RPS6KA2: variants seen among roughly 807,000 people sequenced by gnomAD.
The protein encoded by RPS6KA2 is ribosomal protein S6 kinase A2.
A neutral mutation model predicts 91.8 loss-of-function variants in RPS6KA2; 42 were observed. The ratio of observed to expected loss-of-function variants is 0.46; its 90% CI spans 0.36 to 0.59. The LOEUF is 0.59. Among genes scored for constraint, RPS6KA2 ranks in the 20% least tolerant of loss-of-function variants. The pLI, the probability that RPS6KA2 is intolerant of heterozygous loss-of-function variation, is 0.00. For synonymous variants in RPS6KA2, 414 were observed against 393.6 expected (o/e 1.05, Z -0.61); for missense variants, 798 against 978.5 (o/e 0.82, Z 2.46).
At chr6:166,565,561 GCAGTGACCGCCT>G (rs1432806998) in intron 1 of RPS6KA2, among the ~76,000 whole-genome samples, 1 of 152,020 alleles carries the variant, frequency 6.6e-6, no homozygotes, top group Non-Finnish European at 1.5e-5. Context: ...CCATGTCTGG[GCAGTGACCGCCT>G]CACTTGCAGC....
chr6:166,605,319 C>T (rs372888414), intron 1 of RPS6KA2, among the ~76,000 whole-genome samples: 27 of 152,312 alleles, frequency 1.8e-4, no homozygotes, highest in African/African-American at 5.8e-4. Flanking sequence ...GACAATGACT[C>T]TTATCTCCTT....
Position 166,648,112 on chromosome 6 carries a change from A to G in RPS6KA2, c.124-109328T>C, listed in dbSNP as rs377435481. Among the ~76,000 whole-genome samples the G allele has an allele frequency of 5.0e-4, 76 of 151,002 alleles. No homozygotes were observed. The highest frequency in any genetic ancestry group is 1.7e-3 in the African/African-American group (70 of 41,064). On this transcript the variant is annotated intron_variant, in intron 2 of 21. Coordinates refer to the RPS6KA2 transcript ENST00000503859. The surrounding 1 kb of genome is among the most constrained non-coding windows in gnomAD (Gnocchi z 4.8). ...CACACACGCTCATACACACACGTGCACACACACGCTCATACACATACATGC... is the reference window on the plus strand; with the variant it reads ...CACACACGCTCATACACACACGTGCGCACACACGCTCATACACATACATGC...
intron 16 of RPS6KA2, among the ~76,000 whole-genome samples, chr6:166,428,157 A>G (rs980590346): frequency 6.6e-6 from 1 of 152,058 alleles, no homozygotes; most frequent in Non-Finnish European, 1.5e-5. Flanking sequence ...CCGCTTATCT[A>G]CAACTATCTG....
chr6:166,496,680 T>C (rs947491737), intron 8 of RPS6KA2, among the ~76,000 whole-genome samples: 1 of 152,224 alleles, frequency 6.6e-6, no homozygotes, highest in African/African-American at 2.4e-5. Flanking sequence ...TGGCCCGCAG[T>C]ACTGCTGGAT....
chr6:166,591,515 G>C (rs530631216), intron 1 of RPS6KA2, among the ~76,000 whole-genome samples: 4 of 152,234 alleles, frequency 2.6e-5, no homozygotes, highest in South Asian at 2.1e-4. Context: ...AAGATGACTG[G>C]ATGACCACCT....
intron 11 of RPS6KA2, among the ~76,000 whole-genome samples, chr6:166,465,155 C>T (rs529437983): frequency 6.6e-6 from 1 of 152,302 alleles, no homozygotes; most frequent in South Asian, 2.1e-4. Flanking sequence ...GAAATGTCTT[C>T]TCATTCGTCA....
chr6:166,798,019 T>C (rs890215609), intron 2 of RPS6KA2, among the ~76,000 whole-genome samples: 2 of 152,124 alleles, frequency 1.3e-5, no homozygotes, highest in Non-Finnish European at 2.9e-5. Flanking sequence ...GGCACCCGAA[T>C]CATCGATGTC....
intron 3 of RPS6KA2, among the ~76,000 whole-genome samples, chr6:166,513,663 C>A (rs1782546003): frequency 6.6e-6 from 1 of 152,102 alleles, no homozygotes; most frequent in Admixed American, 6.5e-5. Flanking sequence ...TGGACTGTGG[C>A]ACAGAAGACA....
At chr6:166,545,440 C>T (rs2128497988) in intron 1 of RPS6KA2, among the ~76,000 whole-genome samples, 1 of 152,314 alleles carries the variant, frequency 6.6e-6, no homozygotes, top group South Asian at 2.1e-4. Flanking sequence ...CGTTAAGCTA[C>T]TCACTGAAGC....
chr6:166,828,338 G>C (rs1070945), intron 2 of RPS6KA2, among the ~76,000 whole-genome samples: 110,577 of 152,036 alleles, frequency 0.73, 40,878 homozygotes, highest in Non-Finnish European at 0.8. Context: ...CTCCACACCC[G>C]CCACCTTCCT....
At chr6:166,700,854 C>A (rs767065511) in intron 2 of RPS6KA2, among the ~76,000 whole-genome samples, 56 of 152,226 alleles carry the variant, frequency 3.7e-4, no homozygotes, top group Admixed American at 4.6e-4. Context: ...CTTCTCTTTC[C>A]CCCCTCTGCC....
At chr6:166,591,715 G>A (rs1490095938) in intron 1 of RPS6KA2, among the ~76,000 whole-genome samples, 1 of 152,184 alleles carries the variant, frequency 6.6e-6, no homozygotes, top group Non-Finnish European at 1.5e-5. Flanking sequence ...CACCCTCCAG[G>A]ACTGTGAGAG....
At position 166,490,675 on chromosome 6, in the gene RPS6KA2, G is replaced by C; in HGVS notation, c.814C>G (p.Leu272Val). Residue 272 changes from leucine (L) to valine (V), a missense_variant, in exon 9 of 21, where the codon CTC (leucine) becomes GTC (valine). Transcript: ENST00000265678. The surrounding 1 kb of genome is among the most constrained non-coding windows in gnomAD (Gnocchi z 4.2). ...KDRKETMALILKAKLGMPQFL... is the reference protein window; with the variant it reads ...KDRKETMALIVKAKLGMPQFL... ...GGTGGCTCCCACACTACTCACTTGAGGATGAGAGCCATGGTCTCCTTCCTG... is the reference window on the plus strand; with the variant it reads ...GGTGGCTCCCACACTACTCACTTGACGATGAGAGCCATGGTCTCCTTCCTG... The C allele has an allele frequency of 6.2e-7, 1 of 1,609,800 alleles. No individual in the cohort carries two copies. Among genetic ancestry groups the C allele is most frequent in the Non-Finnish European group, 8.5e-7 (1 of 1,177,556 alleles).
intron 2 of RPS6KA2, among the ~76,000 whole-genome samples, chr6:166,721,840 AGCTCAGAGGAGGAGCCG>A (rs1562401084): frequency 9.2e-5 from 14 of 151,662 alleles, no homozygotes; most frequent in East Asian, 3.9e-4. Flanking sequence ...AGCCGGTGCC[AGCTCAGAGGAGGAGCCG>A]GTGCCAGCCT....
chr6:166,647,806 A>G (rs1376873396), intron 2 of RPS6KA2, among the ~76,000 whole-genome samples: 1 of 133,640 alleles, frequency 7.5e-6, no homozygotes, highest in African/African-American at 2.6e-5. Context: ...ACACACATAC[A>G]TACACACATG....
In RPS6KA2 at chr6:166,490,757, G is replaced by A. The variant is rs574985945; in HGVS notation, c.748-16C>T. The A allele has an allele frequency of 6.9e-6, 11 of 1,600,656 alleles. No homozygotes were observed. The highest frequency in any genetic ancestry group is 1.7e-5 in the Admixed American group (1 of 59,570). ...GCATCTCAAACTGCAGAGCAACACA[G>A]AGCACAGTGAGTTCATTCATCCAGA... On this transcript the variant is annotated splice_polypyrimidine_tract_variant and intron_variant, in intron 8 of 20. Coordinates refer to ENST00000265678, the MANE Select transcript of RPS6KA2 (RefSeq NM_021135.6). This position sits in a 1 kb window ranked among gnomAD's most constrained non-coding sequence, Gnocchi z 4.2.
rs1461350455 is a variant in RPS6KA2 at position 166,490,230 on chromosome 6, G to C, written c.818+441C>G. 6.6e-6 allele frequency among the ~76,000 whole-genome samples: 1 copy of C among 152,150 alleles called. No homozygotes were observed. The highest frequency in any genetic ancestry group is 1.9e-4 in the East Asian group (1 of 5,192). On this transcript the variant is annotated intron_variant, in intron 9 of 20. Transcript: ENST00000265678. This position sits in a 1 kb window ranked among gnomAD's most constrained non-coding sequence, Gnocchi z 4.2. The stretch of plus-strand genomic sequence containing the variant: ...ATGAATGGGGTCAGCAGGTGGGGAG[G>C]GAAAGGAGACCCCTGCTCCTGTGAT...
At chr6:166,759,608 G>A (rs1369706793) in intron 2 of RPS6KA2, among the ~76,000 whole-genome samples, 1 of 152,200 alleles carries the variant, frequency 6.6e-6, no homozygotes, top group African/African-American at 2.4e-5. Flanking sequence ...GAAATCATCA[G>A]GAGCTTTAAA....
At chr6:166,482,696 G>T (rs1781274710) in intron 10 of RPS6KA2, among the ~76,000 whole-genome samples, 1 of 152,122 alleles carries the variant, frequency 6.6e-6, no homozygotes, top group South Asian at 2.1e-4. Flanking sequence ...TTGGAGGAGA[G>T]AAAACCCACC....
Sources: allele counts gnomAD v4.1 joint callset (sites outside exome capture counted in the v4.1 genomes callset), GRCh38; gene constraint gnomAD v4.1.1; non-coding constraint Gnocchi (gnomAD v3.1); transcripts MANE v1.5; gene names NCBI Gene and HGNC (gene_info 2026-07-23, HGNC 2026-07-21).